The following STAM variants were observed in gnomAD, a reference collection of about 807,000 sequenced individuals.
STAM encodes the protein signal transducing adapter molecule 1.
Under a neutral mutation model 63.4 loss-of-function variants are expected in STAM, and 16 were observed. The observed-to-expected ratio is 0.25, with a 90% CI of 0.17 to 0.38. STAM has a LOEUF of 0.38. Among genes scored for constraint, STAM ranks in the 10% least tolerant of loss-of-function variants. The pLI, the probability that STAM is intolerant of heterozygous loss-of-function variation, is 1.00. For synonymous variants in STAM, 238 were observed against 223.9 expected (o/e 1.06, Z -0.56); for missense variants, 636 against 657.1 (o/e 0.97, Z 0.35).
Position 17,696,869 on chromosome 10 carries a change from A to G in STAM, c.823A>G (p.Ile275Val), listed in dbSNP as rs1554827596. Reference protein sequence around the residue: ...TADLTAEPEMIKTEKKTVQFS... With the variant: ...TADLTAEPEMVKTEKKTVQFS... ...AGATCTCACTGCTGAACCAGAAATG[A>G]GTAAGTATTTTCCAGCCTGCCAATA... The change falls in exon 8 of 14, where the codon ATT becomes GTT. Residue 275 changes from isoleucine (I) to valine (V), a missense_variant and splice_region_variant. Ile to Val is a conservative substitution (Grantham distance 29). Transcript: ENST00000377524. 6.2e-7 allele frequency: 1 copy of G among 1,607,766 alleles called. No homozygotes were observed. Among genetic ancestry groups the G allele is most frequent in the Non-Finnish European group, 8.5e-7 (1 of 1,174,248 alleles).
intron 13 of STAM, 147 bp from the exon 14 acceptor site, chr10:17,714,396 A>C: frequency 1.3e-6 from 1 of 763,094 alleles, no homozygotes; most frequent in South Asian, 1.7e-5. Context: ...CTAAAATAAC[A>C]ATGTTTGGCA....
intron 5 of STAM, among the ~76,000 whole-genome samples, chr10:17,692,022 C>T (rs745496250): frequency 1.3e-5 from 2 of 152,092 alleles, no homozygotes; most frequent in Non-Finnish European, 2.9e-5. Flanking sequence ...CTGAATGAGC[C>T]CATCTCATCT....
chr10:17,660,629 T>C, intron 2 of STAM, 81 bp downstream of exon 2: 2 of 1,047,748 alleles, frequency 1.9e-6, no homozygotes, highest in South Asian at 1.6e-5. Context: ...CTTGCACCTG[T>C]AGGCCCAGCC....
At chr10:17,650,479 G>A (rs1833692909) in intron 1 of STAM, among the ~76,000 whole-genome samples, 1 of 152,112 alleles carries the variant, frequency 6.6e-6, no homozygotes, top group African/African-American at 2.4e-5. Context: ...TTTGATAGTT[G>A]GTACCTAAGT....
chr10:17,690,611 C>A (rs1835489458), intron 5 of STAM, among the ~76,000 whole-genome samples: 1 of 152,076 alleles, frequency 6.6e-6, no homozygotes, highest in Non-Finnish European at 1.5e-5. Flanking sequence ...GATTTTAAAG[C>A]CACTTAGTTA....
chr10:17,703,008 C>CAAAAAAAAAAAA (rs71507229), intron 9 of STAM, among the ~76,000 whole-genome samples: 2 of 67,832 alleles, frequency 2.9e-5, no homozygotes, highest in African/African-American at 5.2e-5. Context: ...GACTCCATCT[C>CAAAAAAAAAAAA]AAAAAAAAAA....
intron 5 of STAM, among the ~76,000 whole-genome samples, chr10:17,691,049 A>C (rs1190597199): frequency 6.6e-6 from 1 of 152,220 alleles, no homozygotes; most frequent in Non-Finnish European, 1.5e-5. Context: ...TGTGAACAAA[A>C]ATTTATGTAA....
At chr10:17,682,241 C>T (rs146275641) in intron 2 of STAM, among the ~76,000 whole-genome samples, 2 of 152,258 alleles carry the variant, frequency 1.3e-5, no homozygotes, top group East Asian at 3.9e-4. Flanking sequence ...ATAGTATTGT[C>T]AGTACTCCTG....
chr10:17,674,457 A>G (rs1479121756), intron 2 of STAM, among the ~76,000 whole-genome samples: 1 of 152,180 alleles, frequency 6.6e-6, no homozygotes, highest in Non-Finnish European at 1.5e-5. Flanking sequence ...TAGTATGGTG[A>G]GCAGTGATGG....
At chr10:17,650,371 C>G (rs868986076) in intron 1 of STAM, among the ~76,000 whole-genome samples, 6 of 152,338 alleles carry the variant, frequency 3.9e-5, no homozygotes, top group Middle Eastern at 3.4e-3. Context: ...ACATGACATT[C>G]TGACTCTTTA....
rs1835844518 is a variant in STAM, at chr10:17,698,212, ATGTC to A, written c.823+1347_823+1350del. On this transcript the variant is annotated intron_variant, in intron 8 of 13. Transcript: ENST00000377524. ...ACCCAGTCTTTCAATGATGTTTTCTATGTCTGTGAGAATTCAAAAACATGTCAAC... is the reference window on the plus strand; with the variant it reads ...ACCCAGTCTTTCAATGATGTTTTCTATGTGAGAATTCAAAAACATGTCAAC... 2.0e-5 allele frequency among the ~76,000 whole-genome samples: 3 copies of A among 152,260 alleles called. No individual in the cohort carries two copies. The South Asian group carries it at 6.2e-4, about 32-fold the overall frequency.
At chr10:17,696,973 G>A in intron 8 of STAM, 104 bp downstream of exon 8, 1 of 846,592 alleles carries the variant, frequency 1.2e-6, no homozygotes, top group East Asian at 2.6e-5. Context: ...AGGCTGGAGT[G>A]CAGTGGTGCG....
chr10:17,646,564 G>C (rs1477010826), intron 1 of STAM, among the ~76,000 whole-genome samples: 1 of 152,226 alleles, frequency 6.6e-6, no homozygotes, highest in Non-Finnish European at 1.5e-5. Context: ...GAATGTGTCA[G>C]TTGAGCCTGC....
chr10:17,667,501 C>T (rs887466103), intron 2 of STAM, among the ~76,000 whole-genome samples: 2 of 152,158 alleles, frequency 1.3e-5, no homozygotes, highest in African/African-American at 2.4e-5. Context: ...TTCTTTAATT[C>T]GTTTCATTCT....
intron 2 of STAM, among the ~76,000 whole-genome samples, chr10:17,666,613 G>A (rs1255640308): frequency 2.0e-5 from 3 of 151,910 alleles, no homozygotes; most frequent in African/African-American, 4.8e-5. Flanking sequence ...TAGCCAGGAT[G>A]GTCTCGATAT....
chr10:17,704,123 T>G (rs534668236), intron 9 of STAM, among the ~76,000 whole-genome samples: 6 of 152,324 alleles, frequency 3.9e-5, no homozygotes, highest in Admixed American at 3.9e-4. Flanking sequence ...AACAGGGTCT[T>G]GCACTGTTGT....
chr10:17,682,688 T>G (rs1430023054), intron 2 of STAM, among the ~76,000 whole-genome samples: 6 of 152,234 alleles, frequency 3.9e-5, no homozygotes, highest in Admixed American at 2.6e-4. Context: ...TTGTTGAATT[T>G]TCCATGCACA....
Position 17,669,293 on chromosome 10 carries a change from C to G in STAM, c.125+8745C>G, listed in dbSNP as rs149077180. On this transcript the variant is annotated intron_variant, in intron 2 of 13. Transcript: ENST00000377524. ...CCGTTGGTATGTGTCTAAACACATT[C>G]TGCTACCACATGGTTTTAATTATTA... Among the ~76,000 whole-genome samples the G allele has an allele frequency of 5.4e-5, 8 of 149,482 alleles. No individual in the cohort carries two copies. The East Asian group carries it at 1.4e-3, about 25-fold the overall frequency.
chr10:17,660,286 C>T (rs1834112083), intron 1 of STAM, among the ~76,000 whole-genome samples, 178 bp from the exon 2 acceptor site: 1 of 152,036 alleles, frequency 6.6e-6, no homozygotes, highest in Non-Finnish European at 1.5e-5. Context: ...AAAATAATTG[C>T]AAGAGATAAT....
Sources: gnomAD v4.1 joint callset for allele counts (sites outside exome capture counted in the v4.1 genomes callset) on GRCh38, gnomAD v4.1.1 for gene constraint, MANE v1.5 for transcripts, NCBI Gene and HGNC (gene_info 2026-07-23, HGNC 2026-07-21) for gene names.